ERBB4: variants seen among roughly 807,000 people sequenced by gnomAD.
The protein encoded by ERBB4 is receptor tyrosine-protein kinase erbB-4.
ERBB4 carries 42 observed loss-of-function variants against 158.0 expected under a neutral mutation model. The observed-to-expected ratio is 0.27, with a 90% CI of 0.21 to 0.34. The LOEUF is 0.34. ERBB4 is among the 10% of genes least tolerant of loss of function. The pLI, the probability that ERBB4 is intolerant of heterozygous loss-of-function variation, is 1.00. For synonymous variants in ERBB4, 583 were observed against 558.7 expected, an observed-to-expected ratio of 1.04 and a Z score of -0.61; for missense variants, 1,333 against 1,624.1, an observed-to-expected ratio of 0.82 and a Z score of 3.08.
chr2:211,866,904 T>C (rs2078219800), intron 3 of ERBB4, among the ~76,000 whole-genome samples: 1 of 151,658 alleles, frequency 6.6e-6, no homozygotes, highest in African/African-American at 2.4e-5. Context: ...AAGGGGGACC[T>C]CCTCTTTCAG....
At position 212,139,492 on chromosome 2, in the gene ERBB4, A is replaced by G. The variant is rs531501631; in HGVS notation, c.83-14589T>C. 9.9e-5 allele frequency among the ~76,000 whole-genome samples: 15 copies of G among 152,128 alleles called. No homozygotes were observed. In the East Asian group the frequency reaches 2.3e-3, roughly 23 times the overall value. On this transcript the variant is annotated intron_variant, in intron 1 of 27. Coordinates refer to ENST00000342788, the MANE Select transcript of ERBB4 (RefSeq NM_005235.3). The stretch of plus-strand genomic sequence containing the variant: ...TAAAAATATCTCATATCACACTAAC[A>G]ATAATAGAAGTTCTATAGCATCAGG...
intron 1 of ERBB4, among the ~76,000 whole-genome samples, chr2:212,439,220 TG>T (rs1455761872): frequency 6.6e-6 from 1 of 152,310 alleles, no homozygotes; most frequent in East Asian, 1.9e-4. Flanking sequence ...CGTAAAAGAC[TG>T]CTTCGAGATT....
At chr2:212,191,789 G>T (rs1403913180) in intron 1 of ERBB4, among the ~76,000 whole-genome samples, 1 of 140,118 alleles carries the variant, frequency 7.1e-6, no homozygotes, top group African/African-American at 2.6e-5. Context: ...TGTGTTATAT[G>T]TTCTATATGT....
At chr2:211,400,488 A>G (rs1162760157) in intron 25 of ERBB4, among the ~76,000 whole-genome samples, 3 of 152,102 alleles carry the variant, frequency 2.0e-5, no homozygotes, top group Non-Finnish European at 4.4e-5. Context: ...CAAACTTTGT[A>G]TCACAAATTT....
rs547473465 is a variant in ERBB4, at chr2:211,524,259, G to A, written c.2487+37644C>T. Among the ~76,000 whole-genome samples the A allele has an allele frequency of 9.2e-5, 14 of 152,310 alleles. No individual in the cohort carries two copies. The South Asian group carries it at 2.9e-3, about 32-fold the overall frequency. On this transcript the variant is annotated intron_variant, in intron 20 of 27. Coordinates refer to ENST00000342788, the MANE Select transcript of ERBB4 (RefSeq NM_005235.3). ...TGATTGGTGTGTTTACAATTCCTGA[G>A]CTAGACATAAAGGTTCTCCACCTCT...
At chr2:211,935,819 T>A (rs1480551344) in intron 3 of ERBB4, among the ~76,000 whole-genome samples, 2 of 152,172 alleles carry the variant, frequency 1.3e-5, no homozygotes, top group South Asian at 2.1e-4. Context: ...CACCTACTAA[T>A]CGTGGTTATT....
At chr2:211,601,630 G>A (rs966404882) in intron 19 of ERBB4, among the ~76,000 whole-genome samples, 1 of 152,162 alleles carries the variant, frequency 6.6e-6, no homozygotes, top group South Asian at 2.1e-4. Context: ...AGCAATACTG[G>A]AAGCTAGAAT....
At chr2:212,311,240 C>T (rs946697794) in intron 1 of ERBB4, among the ~76,000 whole-genome samples, 1 of 149,576 alleles carries the variant, frequency 6.7e-6, no homozygotes, top group Non-Finnish European at 1.5e-5. Flanking sequence ...CAATATATGC[C>T]GGAATACTAC....
intron 25 of ERBB4, among the ~76,000 whole-genome samples, chr2:211,397,787 C>A (rs2062951783): frequency 6.6e-6 from 1 of 152,168 alleles, no homozygotes; most frequent in Non-Finnish European, 1.5e-5. Context: ...TCCAGGTGTA[C>A]AATTCTTGAT....
chr2:211,986,153 G>C (rs1166775308), intron 2 of ERBB4, among the ~76,000 whole-genome samples: 1 of 152,154 alleles, frequency 6.6e-6, no homozygotes, highest in Non-Finnish European at 1.5e-5. Context: ...AATCACAGAA[G>C]TCAGGAGAAA....
chr2:212,538,609 C>T lies in ERBB4; in HGVS notation c.-79G>A. On this transcript the variant is annotated 5_prime_UTR_variant, in exon 1 of 28. Transcript: ENST00000342788. ...CCCCTTTCGGGCACGCGGAGGAGAT[C>T]CCCCAGCCGGGCGCGCGTGGGGGTG... is the stretch of plus-strand genomic sequence containing the variant. 3 of 1,447,730 alleles carry T rather than the reference C, an allele frequency of 2.1e-6. No homozygotes were observed. The highest frequency in any genetic ancestry group is 2.9e-6 in the Non-Finnish European group (3 of 1,030,842). 89.7% of individuals were successfully genotyped at this position (1,447,730 alleles called of 1,614,324 possible).
chr2:211,484,651 A>G (rs2065161991), intron 20 of ERBB4, among the ~76,000 whole-genome samples: 1 of 152,216 alleles, frequency 6.6e-6, no homozygotes, highest in East Asian at 1.9e-4. Flanking sequence ...CAATTTTTCA[A>G]CAGGACATAA....
At chr2:212,507,585 T>C (rs1046509777) in intron 1 of ERBB4, among the ~76,000 whole-genome samples, 3 of 152,164 alleles carry the variant, frequency 2.0e-5, no homozygotes, top group Non-Finnish European at 2.9e-5. Flanking sequence ...TCAACCCCCA[T>C]GGATGACTTG....
intron 1 of ERBB4, among the ~76,000 whole-genome samples, chr2:212,460,490 T>C (rs1045588237): frequency 6.6e-6 from 1 of 152,210 alleles, no homozygotes; most frequent in Non-Finnish European, 1.5e-5. Context: ...CAGATGGAGA[T>C]GAGGAACTTC....
intron 3 of ERBB4, among the ~76,000 whole-genome samples, chr2:211,920,756 A>T (rs1344530242): frequency 6.7e-6 from 1 of 149,768 alleles, no homozygotes; most frequent in African/African-American, 2.5e-5. Flanking sequence ...TTTTGAACTG[A>T]CTTAAGTCTA....
At chr2:212,489,610 A>C (rs946614788) in intron 1 of ERBB4, among the ~76,000 whole-genome samples, 1 of 151,914 alleles carries the variant, frequency 6.6e-6, no homozygotes, top group African/African-American at 2.4e-5. Context: ...CCTGATAGCC[A>C]ATAAAAATTA....
rs2105959769 is a variant in ERBB4 at position 211,679,131 on chromosome 2, G to A, written c.1543C>T (p.Pro515Ser). 1.2e-6 allele frequency: 2 copies of A among 1,613,920 alleles called. No individual in the cohort carries two copies. The highest frequency in any genetic ancestry group is 8.5e-7 in the Non-Finnish European group (1 of 1,179,934). The change falls in exon 13 of 28, where the codon CCT becomes TCT. Residue 515 changes from proline (P) to serine (S), a missense_variant. Transcript: ENST00000342788. Reference protein sequence around the residue: ...HLCSSDGCWGPGPDQCLSCRR... With the variant: ...HLCSSDGCWGSGPDQCLSCRR... ...CACGACAGACATTGGTCTGGCCCAGGTCCCCAACAGCCATCACTGGAACAC... is the reference window on the plus strand; with the variant it reads ...CACGACAGACATTGGTCTGGCCCAGATCCCCAACAGCCATCACTGGAACAC...
chr2:212,450,467 T>C (rs1233321445), intron 1 of ERBB4, among the ~76,000 whole-genome samples: 1 of 152,036 alleles, frequency 6.6e-6, no homozygotes, highest in Non-Finnish European at 1.5e-5. Flanking sequence ...AGTGATGAGA[T>C]TGCTGACTGG....
intron 2 of ERBB4, among the ~76,000 whole-genome samples, chr2:211,985,220 G>A (rs567887180): frequency 3.9e-5 from 6 of 152,066 alleles, no homozygotes; most frequent in Admixed American, 1.3e-4. Flanking sequence ...TTGCACACTG[G>A]CAATGATATT....
Sources: gnomAD v4.1 joint callset for allele counts (sites outside exome capture counted in the v4.1 genomes callset) on GRCh38, gnomAD v4.1.1 for gene constraint, MANE v1.5 for transcripts, NCBI Gene and HGNC (gene_info 2026-07-23, HGNC 2026-07-21) for gene names.